The following KLHL3 variants were observed in gnomAD, a reference collection of about 807,000 sequenced individuals.
The protein encoded by KLHL3 is kelch like family member 3.
In KLHL3, 19 loss-of-function variants were observed where a neutral mutation model predicts 70.5. The observed-to-expected ratio is 0.27, with a 90% CI of 0.19 to 0.40. KLHL3 has a LOEUF of 0.40. KLHL3 is among the 10% of genes least tolerant of loss of function. The pLI is 1.00. For missense variants in KLHL3, 512 were observed against 771.1 expected (o/e 0.66, Z 3.98); for synonymous variants, 258 against 290.3 (o/e 0.89, Z 1.13).
chr5:137,638,858 G>T, intron 10 of KLHL3, 95 bp downstream of exon 10: 1 of 1,203,268 alleles, frequency 8.3e-7, no homozygotes, highest in Non-Finnish European at 1.2e-6. Flanking sequence ...GCTACAAATG[G>T]ACAGAAAGTT....
intron 8 of KLHL3, among the ~76,000 whole-genome samples, chr5:137,640,460 T>G (rs6862889): frequency 0.35 from 53,921 of 152,114 alleles, 10,273 homozygotes; most frequent in East Asian, 0.53. Flanking sequence ...CTGTGAGATG[T>G]TTATTACAAA....
intron 5 of KLHL3, among the ~76,000 whole-genome samples, chr5:137,680,072 C>T (rs531400182): frequency 1.3e-5 from 2 of 152,302 alleles, no homozygotes; most frequent in African/African-American, 2.4e-5. Context: ...CAGGATGCTC[C>T]AGCTAACTCC....
chr5:137,731,487 A>T (rs927160925), intron 1 of KLHL3, among the ~76,000 whole-genome samples: 4 of 152,210 alleles, frequency 2.6e-5, no homozygotes, highest in Non-Finnish European at 5.9e-5. Flanking sequence ...TTTAAAGTGT[A>T]CTGGCTTTCT....
chr5:137,661,872 C>A, intron 7 of KLHL3, 43 bp downstream of exon 7: 1 of 1,096,398 alleles, frequency 9.1e-7, no homozygotes, highest in South Asian at 1.3e-5. Context: ...TCCTACAGGT[C>A]TGGGTGAACA....
At position 137,621,992 on chromosome 5, in the gene KLHL3, G is replaced by T; in HGVS notation, c.*106C>A. On this transcript the variant is annotated 3_prime_UTR_variant, in exon 15 of 15. Coordinates refer to ENST00000309755, the MANE Select transcript of KLHL3 (RefSeq NM_017415.3). ...TCAGAGGAGAGCGGTTCTCACAGCA[G>T]CACAGACCCTCCCAAGCAAGTTGAA... 8.2e-7 allele frequency: 1 copy of T among 1,219,238 alleles called. No individual in the cohort carries two copies. The highest frequency in any genetic ancestry group is 1.2e-6 in the Non-Finnish European group (1 of 821,210). The allele number at this position is 1,219,238 out of a possible 1,614,324, so 75.5% of individuals were successfully genotyped here. A position where few individuals can be genotyped will look rare whatever the true frequency, so the allele number is the denominator to read the frequency against.
chr5:137,674,608 T>C (rs1751841848), intron 6 of KLHL3, among the ~76,000 whole-genome samples: 1 of 152,230 alleles, frequency 6.6e-6, no homozygotes, highest in African/African-American at 2.4e-5. Flanking sequence ...GCAGAGTAAG[T>C]CATAATTGCC....
At chr5:137,732,799 G>A (rs1753199572) in intron 1 of KLHL3, among the ~76,000 whole-genome samples, 1 of 152,064 alleles carries the variant, frequency 6.6e-6, no homozygotes, top group South Asian at 2.1e-4. Context: ...TACACATATT[G>A]TACCATTTAA....
intron 6 of KLHL3, among the ~76,000 whole-genome samples, chr5:137,664,767 G>A (rs1346287485): frequency 6.6e-6 from 1 of 151,968 alleles, no homozygotes; most frequent in African/African-American, 2.4e-5. Context: ...GCAGTGAGCT[G>A]TAACCATGCC....
In KLHL3 at chr5:137,651,979, C is replaced by A. The variant is rs577490734; in HGVS notation, c.903+6152G>T. Among the ~76,000 whole-genome samples the A allele has an allele frequency of 3.3e-5, 5 of 151,746 alleles. No homozygotes were observed. In the South Asian group the frequency reaches 8.4e-4, roughly 25 times the overall value. On this transcript the variant is annotated intron_variant, in intron 8 of 14. Transcript: ENST00000309755. ...AATCTTCCCAATAAATAGTGTGGAA[C>A]AACTGGACATTCATATGCAAAACAA...
intron 2 of KLHL3, among the ~76,000 whole-genome samples, chr5:137,711,971 T>A (rs1005825194): frequency 3.5e-4 from 53 of 149,926 alleles, no homozygotes; most frequent in Non-Finnish European, 6.7e-4. Flanking sequence ...CTTGCCAACA[T>A]GGTGAGACCC....
chr5:137,717,645 A>G (rs932181809), intron 2 of KLHL3, among the ~76,000 whole-genome samples: 1 of 152,276 alleles, frequency 6.6e-6, no homozygotes, highest in Non-Finnish European at 1.5e-5. Context: ...TCTAAAGAAG[A>G]GAGGTATACT....
intron 8 of KLHL3, among the ~76,000 whole-genome samples, chr5:137,645,740 A>C (rs4440353): frequency 0.96 from 145,499 of 152,080 alleles, 69,943 homozygotes; most frequent in East Asian, 1. Flanking sequence ...AAGCAATCTA[A>C]AGATTCAATG....
intron 6 of KLHL3, among the ~76,000 whole-genome samples, chr5:137,669,329 A>T (rs768391245): frequency 6.6e-6 from 1 of 152,132 alleles, no homozygotes; most frequent in Non-Finnish European, 1.5e-5. Context: ...TCTGTTTGCC[A>T]ATGTCTCTCC....
intron 1 of KLHL3, chr5:137,725,160 T>A: frequency 1.9e-6 from 1 of 520,464 alleles, no homozygotes; most frequent in Non-Finnish European, 2.5e-6. Context: ...CAAATAAGGC[T>A]AGTGGATCCC....
At chr5:137,637,416 G>A in intron 10 of KLHL3, 21 bp from the exon 11 acceptor site, 1 of 1,608,110 alleles carries the variant, frequency 6.2e-7, no homozygotes, top group East Asian at 2.2e-5. Context: ...AGAGACTCAT[G>A]AGACTTCCGT....
rs1017035414 is a variant in KLHL3, at chr5:137,617,890, G to A, written c.*4208C>T. ...CTGAAAATGAGGGGAGGGGAGGATG[G>A]GGGAGCGAATAATTTACAATCTCAT... On this transcript the variant is annotated 3_prime_UTR_variant, in exon 15 of 15. Transcript: ENST00000309755. 7 of 152,468 alleles carry A rather than the reference G, an allele frequency of 4.6e-5. No homozygotes were observed. The highest frequency in any genetic ancestry group is 1.4e-4 in the African/African-American group (6 of 41,570). 9.4% of individuals were successfully genotyped at this position (152,468 alleles called of 1,614,324 possible). A position where few individuals can be genotyped will look rare whatever the true frequency, so the allele number is the denominator to read the frequency against.
At chr5:137,658,584 C>T (rs1451722894) in intron 7 of KLHL3, among the ~76,000 whole-genome samples, 1 of 152,176 alleles carries the variant, frequency 6.6e-6, no homozygotes, top group East Asian at 1.9e-4. Context: ...TGTTTTGAGG[C>T]TTAAATGAGT....
At chr5:137,706,162 A>C in intron 3 of KLHL3, 1 of 985,444 alleles carries the variant, frequency 1.0e-6, no homozygotes, top group South Asian at 4.7e-5. Context: ...GAAGACAAAA[A>C]AATAAAAACA....
intron 3 of KLHL3, among the ~76,000 whole-genome samples, chr5:137,707,262 C>G (rs1256830418): frequency 6.6e-6 from 1 of 152,236 alleles, no homozygotes; most frequent in Non-Finnish European, 1.5e-5. Context: ...GCAAAACCCA[C>G]TCTCTACTAA....
Sources: allele counts gnomAD v4.1 joint callset (sites outside exome capture counted in the v4.1 genomes callset), GRCh38; gene constraint gnomAD v4.1.1; transcripts MANE v1.5; gene names NCBI Gene and HGNC (gene_info 2026-07-23, HGNC 2026-07-21).